Variants in MIB2 observed in about 807,000 individuals in gnomAD.
The protein encoded by MIB2 is E3 ubiquitin-protein ligase MIB2.
MIB2 carries 78 observed loss-of-function variants against 96.6 expected under a neutral mutation model. That is an observed-to-expected ratio of 0.81 (90% CI 0.67 to 0.97). The LOEUF (loss-of-function observed/expected upper bound fraction) is 0.97. Among genes scored for constraint, MIB2 ranks in the 50% least tolerant of loss-of-function variants. The pLI, the probability that MIB2 is intolerant of heterozygous loss-of-function variation, is 0.00. For missense variants in MIB2, 1,543 were observed against 1,424.0 expected, an observed-to-expected ratio of 1.08 and a Z score of -1.35; for synonymous variants, 820 against 629.5, an observed-to-expected ratio of 1.30 and a Z score of -4.53.
chr1:1,616,476 C>G, intron 1 of MIB2, 32 bp from the exon 2 acceptor site: 1 of 1,470,066 alleles, frequency 6.8e-7, no homozygotes, highest in South Asian at 1.2e-5. Flanking sequence ...GAGGTGCTAA[C>G]TGTGCATCTT....
intron 19 of MIB2, among the ~76,000 whole-genome samples, 170 bp downstream of exon 19, chr1:1,629,874 C>T (rs1483855956): frequency 6.9e-5 from 10 of 143,956 alleles, no homozygotes; most frequent in Non-Finnish European, 1.2e-4. Flanking sequence ...CCAGCCCCGC[C>T]TGCTCCAGAT....
intron 1 of MIB2, 80 bp downstream of exon 1, chr1:1,615,713 C>T: frequency 6.7e-7 from 1 of 1,497,540 alleles, no homozygotes; most frequent in South Asian, 1.3e-5. Context: ...AACGCGAGCG[C>T]CGTCCGGTTC....
chr1:1,624,241 G>A (rs1284267362), intron 4 of MIB2: 11 of 488,856 alleles, frequency 2.3e-5, no homozygotes, highest in East Asian at 1.0e-4. Flanking sequence ...AGGCTGCTGC[G>A]CTCTGGTCCG....
At chr1:1,629,980 C>T (rs115800180) in intron 19 of MIB2, among the ~76,000 whole-genome samples, 1,503 of 148,720 alleles carry the variant, frequency 0.01, 28 homozygotes, top group African/African-American at 0.035. Context: ...GATCACACTC[C>T]CTCCATAGCC....
Position 1,616,599 on chromosome 1 carries a change from C to A in MIB2, c.-38C>A, listed in dbSNP as rs770661681. On this transcript the variant is annotated 5_prime_UTR_variant, in exon 2 of 20. The change creates a new upstream start codon in the 5' untranslated region. Coordinates refer to ENST00000355826, the MANE Select transcript of MIB2 (RefSeq NM_001170687.4). ...AGCCTCAAGGCGGCCCGGCGGGCGA[C>A]TGGACGGCCGGACAGGTGAGCTCTT... 1 of 1,596,768 alleles carries A rather than the reference C, an allele frequency of 6.3e-7. No homozygotes were observed. Among genetic ancestry groups the A allele is most frequent in the Non-Finnish European group, 8.5e-7 (1 of 1,171,556 alleles).
At position 1,625,213 on chromosome 1, in the gene MIB2, A is replaced by G. The variant is rs1330687544; in HGVS notation, c.721+28A>G. 1.2e-6 allele frequency: 2 copies of G among 1,603,124 alleles called. No homozygotes were observed. Among genetic ancestry groups the G allele is most frequent in the African/African-American group, 1.3e-5 (1 of 74,896 alleles). On this transcript the variant is annotated intron_variant, in intron 6 of 19. Coordinates refer to ENST00000355826, the MANE Select transcript of MIB2 (RefSeq NM_001170687.4). This position sits in a 1 kb window ranked among gnomAD's most constrained non-coding sequence, Gnocchi z 5.0. ...ATGAGGCTGTCACACTGACTCCATC[A>G]GCCCTCCTGCCTTGGCTGAAGTCCC...
Position 1,629,170 on chromosome 1 carries a change from C to G in MIB2, c.2240C>G (p.Thr747Arg). The G allele has an allele frequency of 6.6e-7, 1 of 1,504,456 alleles. No homozygotes were observed. The highest frequency in any genetic ancestry group is 1.2e-5 in the South Asian group (1 of 80,728). 93.2% of individuals were successfully genotyped at this position (1,504,456 alleles called of 1,614,324 possible). A position where few individuals can be genotyped will look rare whatever the true frequency, so the allele number is the denominator to read the frequency against. ...ASGLPGSAEL[T>R]VGAAVACFLA... ...GGCCTCCCCGGCAGCGCGGAGCTGA[C>G]GGTGGGCGCGGCGGTCGCCTGCTTC... The change falls in exon 17 of 20, where the codon ACG (threonine) becomes AGG (arginine). Residue 747 changes from threonine to arginine, a missense_variant. Thr to Arg is a moderately conservative substitution (Grantham distance 71). Coordinates refer to ENST00000355826, the MANE Select transcript of MIB2 (RefSeq NM_001170687.4).
At position 1,615,635 on chromosome 1, in the gene MIB2, T is replaced by C; in HGVS notation, c.-130+2T>C. The C allele has an allele frequency of 6.3e-7, 1 of 1,574,846 alleles. No homozygotes were observed. The highest frequency in any genetic ancestry group is 1.8e-5 in the Admixed American group (1 of 56,804). On this transcript the variant is annotated splice_donor_variant, in intron 1 of 19. Transcript: ENST00000355826. LOFTEE classifies it low-confidence loss of function (5UTR_SPLICE). ...TGCGGGCCGTCCTCTCGGCTGATGG[T>C]GCGTGCGGGCGCGGATCTCCTCCCC...
Position 1,626,256 on chromosome 1 carries a change from G to C in MIB2, c.973-394G>C, listed in dbSNP as rs1014528313. On this transcript the variant is annotated intron_variant, in intron 8 of 19. Coordinates refer to ENST00000355826, the MANE Select transcript of MIB2 (RefSeq NM_001170687.4). This position sits in a 1 kb window ranked among gnomAD's most constrained non-coding sequence, Gnocchi z 5.3. ...TGTAGAGTGAGTTCCCTGCATATGAGGGCTCAGGTGGGGCAGAGTGGGCCC... is the reference window on the plus strand; with the variant it reads ...TGTAGAGTGAGTTCCCTGCATATGACGGCTCAGGTGGGGCAGAGTGGGCCC... 1.1e-5 allele frequency: 3 copies of C among 261,300 alleles called. No individual in the cohort carries two copies. Among genetic ancestry groups the C allele is most frequent in the Admixed American group, 9.7e-5 (2 of 20,558 alleles). The allele number at this position is 261,300 out of a possible 1,614,324, so 16.2% of individuals were successfully genotyped here.
chr1:1,629,296 G>T lies in MIB2; in HGVS notation c.2366G>T (p.Cys789Phe). 1 of 1,509,016 alleles carries T rather than the reference G, an allele frequency of 6.6e-7. No individual in the cohort carries two copies. Among genetic ancestry groups the T allele is most frequent in the African/African-American group, 1.5e-5 (1 of 68,710 alleles). 93.5% of individuals were successfully genotyped at this position (1,509,016 alleles called of 1,614,324 possible). A position where few individuals can be genotyped will look rare whatever the true frequency, so the allele number is the denominator to read the frequency against. ...CGCGTGCTCAAGGCCCTTCAGGGCT[G>T]CGCCCAGCGCTTCCGGTGAGTCCGT... ...EGRVLKALQG[C>F]AQRFRERQAG... The change falls in exon 17 of 20, where the codon TGC becomes TTC. Residue 789 changes from cysteine to phenylalanine, a missense_variant. Transcript: ENST00000355826.
In MIB2 at chr1:1,629,169, A is replaced by C. The variant is rs1645113846; in HGVS notation, c.2239A>C (p.Thr747Pro). The change falls in exon 17 of 20, where the codon ACG becomes CCG. Residue 747 changes from threonine (T) to proline (P), a missense_variant. Transcript: ENST00000355826. ...GGGCCTCCCCGGCAGCGCGGAGCTG[A>C]CGGTGGGCGCGGCGGTCGCCTGCTT... ...ASGLPGSAELTVGAAVACFLA... is the reference protein window; with the variant it reads ...ASGLPGSAELPVGAAVACFLA... 8 of 1,504,790 alleles carry C rather than the reference A, an allele frequency of 5.3e-6. No homozygotes were observed. The highest frequency in any genetic ancestry group is 7.0e-6 in the Non-Finnish European group (8 of 1,135,010). 93.2% of individuals were successfully genotyped at this position (1,504,790 alleles called of 1,614,324 possible). A position where few individuals can be genotyped will look rare whatever the true frequency, so the allele number is the denominator to read the frequency against.
intron 4 of MIB2, 30 bp from the exon 5 acceptor site, chr1:1,624,765 T>C (rs767440723): frequency 1.2e-4 from 193 of 1,598,178 alleles, no homozygotes; most frequent in Non-Finnish European, 1.6e-4. Flanking sequence ...GGTTTTCTTC[T>C]GAGAGCTTTA....
intron 1 of MIB2, chr1:1,616,122 G>C: frequency 1.0e-6 from 1 of 982,634 alleles, no homozygotes; most frequent in South Asian, 4.7e-5. Flanking sequence ...CCCTGGCAAG[G>C]TCTGGCAGCG....
Position 1,624,832 on chromosome 1 carries a change from C to T in MIB2, c.457C>T (p.Pro153Ser). 1 of 1,613,124 alleles carries T rather than the reference C, an allele frequency of 6.2e-7. No individual in the cohort carries two copies. The highest frequency in any genetic ancestry group is 2.2e-5 in the East Asian group (1 of 44,886). ...LSPRQGLPRI[P>S]LRGIFQGAKV... Reference sequence around the variant, plus strand: ...TCCCCGCCAGGGCCTCCCGAGGATCCCACTAAGGGGCATCTTCCAGGGAGC... The same window carrying T: ...TCCCCGCCAGGGCCTCCCGAGGATCTCACTAAGGGGCATCTTCCAGGGAGC... The change falls in exon 5 of 20, where the codon CCA becomes TCA. Residue 153 changes from proline (P) to serine (S), a missense_variant. Transcript: ENST00000355826.
Position 1,623,957 on chromosome 1 carries a change from G to T in MIB2, c.419+12G>T. 1 of 1,596,566 alleles carries T rather than the reference G, an allele frequency of 6.3e-7. No homozygotes were observed. The highest frequency in any genetic ancestry group is 8.6e-7 in the Non-Finnish European group (1 of 1,168,540). On this transcript the variant is annotated intron_variant, in intron 4 of 19. Transcript: ENST00000355826. ...GCTCACTCGCGCCCGTGAGTCCCGG[G>T]CCGCACCGGCTCCTGTGCGGCGGGT...
At chr1:1,620,420 G>C (rs1273767513) in intron 2 of MIB2, among the ~76,000 whole-genome samples, 1 of 152,224 alleles carries the variant, frequency 6.6e-6, no homozygotes, top group African/African-American at 2.4e-5. Context: ...CCTGTGATGA[G>C]CCCTGCTCTG....
At chr1:1,614,727 A>G (rs542396550), upstream of MIB2, 6 of 152,452 alleles carry the variant, frequency 3.9e-5, no homozygotes, top group East Asian at 9.6e-4. Flanking sequence ...TACAATTAAG[A>G]AATGAGAGGC....
At position 1,625,342 on chromosome 1, in the gene MIB2, G is replaced by A. The variant is rs775024955; in HGVS notation, c.778G>A (p.Gly260Arg). 11 of 1,579,252 alleles carry A rather than the reference G, an allele frequency of 7.0e-6. No homozygotes were observed. The highest frequency in any genetic ancestry group is 2.3e-5 in the East Asian group (1 of 42,814). The change falls in exon 7 of 20, where the codon GGG becomes AGG. Residue 260 changes from glycine (G) to arginine (R), a missense_variant. Gly to Arg is a moderately radical substitution (Grantham distance 125, BLOSUM62 -2). Coordinates refer to ENST00000355826, the MANE Select transcript of MIB2 (RefSeq NM_001170687.4). The surrounding 1 kb of genome is among the most constrained non-coding windows in gnomAD (Gnocchi z 5.0). ...TGCTGACAGCCAGCCCTTCCAGCAC[G>A]GGGACAAGGTCAAGTGTCTGCTGGA... ...VSADSQPFQH[G>R]DKVKCLLDTD... is the part of the protein sequence containing the mutation.
intron 16 of MIB2, 128 bp from the exon 17 acceptor site, chr1:1,629,005 G>A: frequency 9.2e-7 from 1 of 1,087,720 alleles, no homozygotes; most frequent in Non-Finnish European, 1.2e-6. Context: ...CTTGGGTTCC[G>A]GAAGAGGTGC....
Sources: gnomAD v4.1 joint callset for allele counts (sites outside exome capture counted in the v4.1 genomes callset) on GRCh38, gnomAD v4.1.1 for gene constraint, Gnocchi (gnomAD v3.1) non-coding constraint, MANE v1.5 for transcripts, NCBI Gene and HGNC (gene_info 2026-07-23, HGNC 2026-07-21) for gene names.